Variants in ELMOD3 observed in about 807,000 individuals in gnomAD.
The protein encoded by ELMOD3 is ELMO domain-containing protein 3.
ELMOD3 carries 36 observed loss-of-function variants against 47.4 expected under a neutral mutation model. The observed-to-expected ratio is 0.76, with a 90% confidence interval of 0.58 to 1.00. The LOEUF (loss-of-function observed/expected upper bound fraction) is 1.00. Among genes scored for constraint, ELMOD3 ranks in the 50% least tolerant of loss-of-function variants. ELMOD3 has a pLI of 0.00. For missense variants in ELMOD3, 404 were observed against 463.8 expected (o/e 0.87, Z 1.18); for synonymous variants, 149 against 183.5 (o/e 0.81, Z 1.52).
At chr2:85,385,713 A>G (rs1685877057) in intron 11 of ELMOD3, among the ~76,000 whole-genome samples, 1 of 151,898 alleles carries the variant, frequency 6.6e-6, no homozygotes, top group Non-Finnish European at 1.5e-5. Context: ...TCTAGGTTTT[A>G]CGCTAGGTAA....
intron 5 of ELMOD3, 116 bp from the exon 6 acceptor site, chr2:85,362,981 A>G (rs916453332): frequency 3.0e-6 from 2 of 666,810 alleles, no homozygotes; most frequent in African/African-American, 3.6e-5. Flanking sequence ...ATCAGGGCAC[A>G]CTAGGTCCTT....
At chr2:85,380,608 C>T (rs552630994) in intron 11 of ELMOD3, among the ~76,000 whole-genome samples, 11 of 152,204 alleles carry the variant, frequency 7.2e-5, no homozygotes, top group Non-Finnish European at 1.6e-4. Flanking sequence ...TCATGGCAAC[C>T]TCCACCTCCC....
chr2:85,364,826 T>TATATATATATATATATA (rs1553417118), intron 6 of ELMOD3, among the ~76,000 whole-genome samples: 4 of 54,786 alleles, frequency 7.3e-5, no homozygotes, highest in African/African-American at 3.4e-4. Context: ...TATATATATA[T>TATATATATATATATATA]TTTTTTTTTT....
intron 6 of ELMOD3, among the ~76,000 whole-genome samples, chr2:85,365,857 G>A (rs1020492390): frequency 6.6e-6 from 1 of 152,154 alleles, no homozygotes; most frequent in Admixed American, 6.5e-5. Context: ...GGCTCTGACA[G>A]GTGAAGAATC....
At chr2:85,366,643 G>T (rs563812160) in intron 6 of ELMOD3, among the ~76,000 whole-genome samples, 2 of 152,230 alleles carry the variant, frequency 1.3e-5, no homozygotes, top group Admixed American at 6.5e-5. Context: ...AAGACATACA[G>T]CTAGTAAGAG....
At chr2:85,367,013 T>A (rs567155149) in intron 6 of ELMOD3, among the ~76,000 whole-genome samples, 1 of 152,344 alleles carries the variant, frequency 6.6e-6, no homozygotes, top group East Asian at 1.9e-4. Flanking sequence ...AGCTCTGGTT[T>A]GGAGAAAAGG....
chr2:85,382,945 A>C (rs889612171), intron 11 of ELMOD3, among the ~76,000 whole-genome samples: 10 of 136,138 alleles, frequency 7.3e-5, no homozygotes, highest in Non-Finnish European at 1.6e-4. Context: ...GCAGGAAAAA[A>C]AAAAAAAAAC....
At chr2:85,386,381 C>CTT (rs570387148) in intron 11 of ELMOD3, among the ~76,000 whole-genome samples, 66 of 62,410 alleles carry the variant, frequency 1.1e-3, no homozygotes, top group African/African-American at 2.3e-3. Flanking sequence ...GATACGTAGG[C>CTT]TTTTTTTTTT....
chr2:85,359,911 G>A (rs540079160), intron 4 of ELMOD3, among the ~76,000 whole-genome samples: 29 of 151,696 alleles, frequency 1.9e-4, no homozygotes, highest in African/African-American at 6.3e-4. Context: ...GCAACCATAT[G>A]TAGACCCCAT....
At position 85,377,254 on chromosome 2, in the gene ELMOD3, G is replaced by A. The variant is rs1415763951; in HGVS notation, c.608-90G>A. The A allele has an allele frequency of 2.4e-6, 3 of 1,238,624 alleles. No individual in the cohort carries two copies. The African/African-American group carries it at 4.6e-5, about 19-fold the overall frequency. The allele number at this position is 1,238,624 out of a possible 1,614,324, so 76.7% of individuals were successfully genotyped here. On this transcript the variant is annotated intron_variant, in intron 10 of 13. Coordinates refer to ENST00000409013, the MANE Select transcript of ELMOD3 (RefSeq NM_001135022.2). ...TGCTGCTCATGCTCCGCTAGCCTGG[G>A]AAGAGGCCAGTGTCAGGGCAGCTTC...
chr2:85,364,280 A>AT (rs55652730), intron 6 of ELMOD3, among the ~76,000 whole-genome samples: 134 of 147,854 alleles, frequency 9.1e-4, no homozygotes, highest in African/African-American at 3.1e-3. Flanking sequence ...GGCATAGCTA[A>AT]TTTTTTTTTT....
intron 2 of ELMOD3, 154 bp downstream of exon 2, chr2:85,355,324 G>C (rs1352148549): frequency 6.6e-6 from 1 of 152,268 alleles, no homozygotes; most frequent in African/African-American, 2.4e-5. Flanking sequence ...ATGGTGAAAG[G>C]ATCAGCTAAG....
chr2:85,387,778 A>G (rs572915362), intron 11 of ELMOD3, among the ~76,000 whole-genome samples: 33 of 152,242 alleles, frequency 2.2e-4, no homozygotes, highest in Middle Eastern at 3.4e-3. Flanking sequence ...TGCAGGTTCA[A>G]TGATTCCTGA....
chr2:85,370,262 AAC>A (rs1684696997), intron 8 of ELMOD3, among the ~76,000 whole-genome samples: 1 of 152,060 alleles, frequency 6.6e-6, no homozygotes, highest in African/African-American at 2.4e-5. Context: ...TGGGGGAATA[AAC>A]GCTAGGGGTG....
Position 85,357,192 on chromosome 2 carries a change from T to C in ELMOD3, c.-7T>C, listed in dbSNP as rs372534650. 92 of 1,605,368 alleles carry C rather than the reference T, an allele frequency of 5.7e-5. No homozygotes were observed. Among genetic ancestry groups the C allele is most frequent in the Non-Finnish European group, 7.4e-5 (87 of 1,174,764 alleles). Reference sequence around the variant, plus strand: ...ACAAAGCTCACATGAACAAATGATTTTGAGTCATGAATGAAAAATCTTGCT... The same window carrying C: ...ACAAAGCTCACATGAACAAATGATTCTGAGTCATGAATGAAAAATCTTGCT... On this transcript the variant is annotated 5_prime_UTR_variant, in exon 4 of 14. Transcript: ENST00000409013.
At chr2:85,368,144 T>TCGTGATCC (rs1304676467) in intron 6 of ELMOD3, 1 of 154,364 alleles carries the variant, frequency 6.5e-6, no homozygotes, top group African/African-American at 2.4e-5. Flanking sequence ...TCTCCTGATC[T>TCGTGATCC]CGTGATCCGC....
rs1193510806 is a variant in ELMOD3 at position 85,390,925 on chromosome 2, T to C, written c.1109T>C (p.Leu370Pro). The C allele has an allele frequency of 6.4e-7, 1 of 1,551,684 alleles. No homozygotes were observed. Among genetic ancestry groups the C allele is most frequent in the South Asian group, 1.2e-5 (1 of 84,060 alleles). The stretch of plus-strand genomic sequence containing the variant: ...CTCACCTTCACAGGTGAGAGTGACC[T>C]GCAGTCTCACTCATCCGAAGGCGTA... ...KDLTFTGESD[L>P]QSHSSEGVWL... Residue 370 changes from leucine (L) to proline (P), a missense_variant, in exon 14 of 14, where the codon CTG (leucine) becomes CCG (proline). Coordinates refer to ENST00000409013, the MANE Select transcript of ELMOD3 (RefSeq NM_001135022.2).
chr2:85,390,141 G>A lies in ELMOD3; in HGVS notation c.819G>A (p.Glu273=). The A allele has an allele frequency of 6.2e-7, 1 of 1,613,858 alleles. No homozygotes were observed. ...TCACCTTGCCTTTTTCCTGCAGAGA[G>A]TGTAATCGGCAGCAGAAGGTCATCC... The part of the protein sequence containing the change: ...QALREECLSR[E]CNRQQKVIPV... Residue 273 remains glutamate, a synonymous_variant, in exon 13 of 14, where the codon GAG becomes GAA. Coordinates refer to ENST00000409013, the MANE Select transcript of ELMOD3 (RefSeq NM_001135022.2).
intron 1 of ELMOD3, 108 bp from the exon 2 acceptor site, chr2:85,354,968 G>T (rs1427782172): frequency 2.5e-5 from 4 of 158,772 alleles, no homozygotes; most frequent in Admixed American, 1.8e-4. Context: ...TTGTAAGACT[G>T]AAAGAGAATC....
Sources: allele counts gnomAD v4.1 joint callset (sites outside exome capture counted in the v4.1 genomes callset), GRCh38; gene constraint gnomAD v4.1.1; transcripts MANE v1.5; gene names NCBI Gene and HGNC (gene_info 2026-07-23, HGNC 2026-07-21).